The following ANK2 variants were observed in gnomAD, a reference collection of about 807,000 sequenced individuals.
ANK2 encodes ankyrin 2, also known as ankyrin-2.
In ANK2, 83 loss-of-function variants were observed where a neutral mutation model predicts 360.5. The observed-to-expected ratio is 0.23, with a 90% confidence interval of 0.19 to 0.28. ANK2 has a LOEUF of 0.28. Ranked by LOEUF, ANK2 falls within the 10% of genes least tolerant of loss-of-function variation. The pLI is 1.00. For synonymous variants in ANK2, 1,740 were observed against 1,759.5 expected, an observed-to-expected ratio of 0.99 and a Z score of 0.28; for missense variants, 4,201 against 4,795.7, an observed-to-expected ratio of 0.88 and a Z score of 3.66.
upstream of ANK2, among the ~76,000 whole-genome samples, chr4:113,047,596 C>T (rs534697505): frequency 1.3e-5 from 2 of 151,978 alleles, no homozygotes; most frequent in Non-Finnish European, 2.9e-5. Flanking sequence ...TAGGAAATGG[C>T]ATGGGGATTT....
the ANK2 span, among the ~76,000 whole-genome samples, chr4:112,718,395 A>G: frequency 6.6e-6 from 1 of 152,166 alleles, no homozygotes; most frequent in Non-Finnish European, 1.5e-5. Context: ...GCTCACTGCA[A>G]CCTCTGCCTC....
chr4:113,348,115 T>C (rs1199455757), intron 35 of ANK2, 161 bp from the exon 36 acceptor site: 6 of 688,190 alleles, frequency 8.7e-6, no homozygotes, highest in African/African-American at 1.8e-5. Context: ...TCTGCCTGTC[T>C]TCTATAAACT....
intron 10 of ANK2, among the ~76,000 whole-genome samples, chr4:113,252,496 C>G (rs1459570165): frequency 6.6e-6 from 1 of 152,180 alleles, no homozygotes; most frequent in African/African-American, 2.4e-5. Flanking sequence ...CCTTCTTATT[C>G]TTGCTGACTT....
chr4:113,205,091 C>T (rs2098926577), intron 4 of ANK2, among the ~76,000 whole-genome samples: 1 of 151,890 alleles, frequency 6.6e-6, no homozygotes, highest in South Asian at 2.1e-4. Context: ...AAAAAATTAG[C>T]TGGGCGTAGT....
At chr4:112,729,797 T>C in the ANK2 span, among the ~76,000 whole-genome samples, 1 of 150,400 alleles carries the variant, frequency 6.6e-6, no homozygotes, top group Non-Finnish European at 1.5e-5. Flanking sequence ...AAATCTGGTA[T>C]ATATGCACAA....
At position 113,335,847 on chromosome 4, in the gene ANK2, A is replaced by G. The variant is rs2153957551; in HGVS notation, c.3381A>G (p.Val1127=). 3.1e-6 allele frequency: 5 copies of G among 1,613,678 alleles called. No homozygotes were observed. Among genetic ancestry groups the G allele is most frequent in the Non-Finnish European group, 4.2e-6 (5 of 1,179,572 alleles). ...AAGGTGGGTCATTTCTTGTCTTAGT[A>G]CTGGATAGCCCAGAAGACCTAGAAA... ...LNEILNGMDE[V]LDSPEDLEKK... Residue 1127 remains valine, a splice_region_variant and synonymous_variant, in exon 30 of 46, where the codon GTA becomes GTG. Coordinates refer to ENST00000357077, the MANE Select transcript of ANK2 (RefSeq NM_001148.6).
intron 25 of ANK2, among the ~76,000 whole-genome samples, 172 bp downstream of exon 25, chr4:113,317,981 A>G (rs563931185): frequency 1.3e-5 from 2 of 152,360 alleles, no homozygotes; most frequent in African/African-American, 4.8e-5. Context: ...AATGTTCACT[A>G]GATTTTTTCA....
chr4:112,820,178 A>G (rs762408103), intron 1 of ANK2, among the ~76,000 whole-genome samples: 2 of 152,258 alleles, frequency 1.3e-5, no homozygotes, highest in Non-Finnish European at 2.9e-5. Flanking sequence ...ACTATGTTTA[A>G]TGTCCTGTAT....
At chr4:112,850,446 T>TTTC (rs1553943699) in intron 1 of ANK2, among the ~76,000 whole-genome samples, 1 of 13,104 alleles carries the variant, frequency 7.6e-5, no homozygotes, top group African/African-American at 8.3e-4. Context: ...TGTTCGTTTC[T>TTTC]TTTTTTTTTT....
intron 1 of ANK2, chr4:113,151,073 A>G (rs1218401118): frequency 7.8e-7 from 1 of 1,286,842 alleles, no homozygotes; most frequent in Non-Finnish European, 1.0e-6. Context: ...GAATTTTCCC[A>G]CTACAGGTGA....
intron 1 of ANK2, among the ~76,000 whole-genome samples, chr4:112,879,748 T>G (rs78950329): frequency 0.015 from 2,259 of 152,220 alleles, 51 homozygotes; most frequent in African/African-American, 0.052. Flanking sequence ...GAAAATAAAA[T>G]CCTTTCCTAA....
At chr4:113,255,340 T>C (rs1291043976) in intron 10 of ANK2, among the ~76,000 whole-genome samples, 2 of 152,238 alleles carry the variant, frequency 1.3e-5, no homozygotes, top group African/African-American at 4.8e-5. Flanking sequence ...CTTCCCTCTG[T>C]ATTTATAAGA....
At chr4:113,028,184 A>G (rs2059663310) in intron 2 of ANK2, among the ~76,000 whole-genome samples, 1 of 152,022 alleles carries the variant, frequency 6.6e-6, no homozygotes, top group Non-Finnish European at 1.5e-5. Context: ...AAGTGCCATA[A>G]AATACTATGA....
chr4:113,327,416 T>G (rs1388166760), intron 26 of ANK2, among the ~76,000 whole-genome samples: 1 of 152,204 alleles, frequency 6.6e-6, no homozygotes, highest in East Asian at 1.9e-4. Flanking sequence ...AATATAGTGA[T>G]TCGAATGAAT....
chr4:112,813,818 G>A (rs2055464413), upstream of ANK2, among the ~76,000 whole-genome samples: 1 of 152,188 alleles, frequency 6.6e-6, no homozygotes, highest in Admixed American at 6.5e-5. Flanking sequence ...TTACAGGCAT[G>A]AGCCACTGCA....
intron 2 of ANK2, among the ~76,000 whole-genome samples, chr4:112,975,302 T>G (rs927584366): frequency 2.0e-5 from 3 of 152,204 alleles, no homozygotes; most frequent in African/African-American, 7.2e-5. Context: ...ATTTCAACAA[T>G]TTTATTTATT....
intron 22 of ANK2, among the ~76,000 whole-genome samples, chr4:113,301,118 GT>G (rs2074726755): frequency 6.6e-6 from 1 of 152,024 alleles, no homozygotes; most frequent in Non-Finnish European, 1.5e-5. Context: ...TACTTTGGTG[GT>G]TTTAGTTGAA....
chr4:113,103,548 C>T (rs985425644), intron 1 of ANK2, among the ~76,000 whole-genome samples: 1 of 152,088 alleles, frequency 6.6e-6, no homozygotes, highest in African/African-American at 2.4e-5. Flanking sequence ...CAGTATATAT[C>T]GTCATGAATT....
At chr4:113,265,028 C>A in intron 14 of ANK2, 33 bp downstream of exon 14, 2 of 1,539,698 alleles carry the variant, frequency 1.3e-6, no homozygotes, top group Non-Finnish European at 1.8e-6. Context: ...TCTCTTCTAT[C>A]GCAGCGCATG....
Sources: gnomAD v4.1 joint callset for allele counts (sites outside exome capture counted in the v4.1 genomes callset) on GRCh38, gnomAD v4.1.1 for gene constraint, MANE v1.5 for transcripts, NCBI Gene and HGNC (gene_info 2026-07-23, HGNC 2026-07-21) for gene names.